The following DNAAF9 variants were observed in gnomAD, a reference collection of about 807,000 sequenced individuals.
DNAAF9 encodes the protein shulin.
Under a neutral mutation model 167.0 loss-of-function variants are expected in DNAAF9, and 90 were observed. That is an observed-to-expected ratio of 0.54 (90% CI 0.45 to 0.64). The LOEUF (loss-of-function observed/expected upper bound fraction) is 0.64. DNAAF9 is among the 30% of genes least tolerant of loss of function. The probability of loss-of-function intolerance (pLI) is 0.00; values close to 1 mark genes in which losing one functional copy is unlikely to be tolerated. For synonymous variants in DNAAF9, 491 were observed against 508.8 expected, an observed-to-expected ratio of 0.96 and a Z score of 0.47; for missense variants, 1,315 against 1,442.2, an observed-to-expected ratio of 0.91 and a Z score of 1.43.
chr20:3,259,644 G>T, intron 32 of DNAAF9, 90 bp from the exon 33 acceptor site: 1 of 899,012 alleles, frequency 1.1e-6, no homozygotes, highest in Non-Finnish European at 1.9e-6. Context: ...GGACTGGGGA[G>T]GGACCATACA....
chr20:3,347,344 C>T (rs1266211286), intron 8 of DNAAF9, among the ~76,000 whole-genome samples: 2 of 151,842 alleles, frequency 1.3e-5, no homozygotes, highest in Non-Finnish European at 2.9e-5. Context: ...TTTCCAGACA[C>T]TCAAAAGCTG....
At chr20:3,286,269 G>T (rs529488775) in intron 27 of DNAAF9, among the ~76,000 whole-genome samples, 11 of 152,170 alleles carry the variant, frequency 7.2e-5, no homozygotes, top group Non-Finnish European at 1.5e-4. Flanking sequence ...ACAAAGGCTG[G>T]GTTTACAGTA....
intron 23 of DNAAF9, chr20:3,296,020 T>G (rs1055330180): frequency 2.0e-5 from 25 of 1,279,294 alleles, no homozygotes; most frequent in Non-Finnish European, 2.6e-5. Flanking sequence ...GAACTTCGGT[T>G]TCAAGCTGAA....
intron 29 of DNAAF9, among the ~76,000 whole-genome samples, chr20:3,274,926 G>A (rs2068653447): frequency 6.6e-6 from 1 of 152,212 alleles, no homozygotes; most frequent in Non-Finnish European, 1.5e-5. Flanking sequence ...CAGATTCCAG[G>A]ACCCCTGGTC....
intron 29 of DNAAF9, among the ~76,000 whole-genome samples, chr20:3,270,807 T>A (rs1164781362): frequency 7.4e-6 from 1 of 134,912 alleles, no homozygotes; most frequent in African/African-American, 2.8e-5. Context: ...CCTAACTTCC[T>A]CTATCTTTTT....
At chr20:3,341,892 C>A (rs1051771508) in intron 9 of DNAAF9, among the ~76,000 whole-genome samples, 1 of 152,144 alleles carries the variant, frequency 6.6e-6, no homozygotes, top group Non-Finnish European at 1.5e-5. Flanking sequence ...ATTCTCCTGC[C>A]TCAGCCTCCC....
intron 1 of DNAAF9, among the ~76,000 whole-genome samples, chr20:3,401,638 T>C (rs1220521872): frequency 2.0e-5 from 3 of 152,184 alleles, no homozygotes; most frequent in Non-Finnish European, 4.4e-5. Context: ...CAGTGTTTCA[T>C]AATAGCTAAC....
chr20:3,387,873 T>C (rs2083768383), intron 1 of DNAAF9, among the ~76,000 whole-genome samples: 1 of 106,250 alleles, frequency 9.4e-6, no homozygotes. Flanking sequence ...AGACCCTGTC[T>C]CTACAAAAAG....
intron 6 of DNAAF9, among the ~76,000 whole-genome samples, chr20:3,369,537 C>T (rs369600233): frequency 5.3e-5 from 8 of 152,022 alleles, no homozygotes; most frequent in South Asian, 4.2e-4. Context: ...CCACCACACC[C>T]GGCTACTTTT....
chr20:3,295,847 C>T (rs2069065278), intron 23 of DNAAF9: 1 of 950,376 alleles, frequency 1.1e-6, no homozygotes. Context: ...AGAGTTTAAT[C>T]CCCAAACGAC....
chr20:3,381,071 G>A (rs775874127), intron 3 of DNAAF9, among the ~76,000 whole-genome samples: 1 of 152,156 alleles, frequency 6.6e-6, no homozygotes, highest in African/African-American at 2.4e-5. Flanking sequence ...AATCTGAACC[G>A]TTAGCATGTA....
Position 3,357,344 on chromosome 20 carries a change from G to A in DNAAF9, c.690+2172C>T, listed in dbSNP as rs147538488. Among the ~76,000 whole-genome samples, 17 of 152,238 alleles carry A rather than the reference G, an allele frequency of 1.1e-4. No homozygotes were observed. In the East Asian group the frequency reaches 2.3e-3, roughly 21 times the overall value. On this transcript the variant is annotated intron_variant, in intron 7 of 36. Coordinates refer to ENST00000252032, the MANE Select transcript of DNAAF9 (RefSeq NM_001009984.3). ...AAATTAGCCAGGCGTGGTGGCACGC[G>A]CCTGTAATCCCAGCTACTTGGGAGG...
chr20:3,381,309 A>C, intron 3 of DNAAF9, 70 bp downstream of exon 3: 2 of 1,271,050 alleles, frequency 1.6e-6, no homozygotes, highest in Non-Finnish European at 2.2e-6. Flanking sequence ...TAAGAAGACC[A>C]TAAAATAAGG....
At chr20:3,366,051 CT>C (rs2083428899) in intron 6 of DNAAF9, among the ~76,000 whole-genome samples, 1 of 152,192 alleles carries the variant, frequency 6.6e-6, no homozygotes, top group African/African-American at 2.4e-5. Flanking sequence ...CTGGAATCCA[CT>C]TCTCGCAAAC....
intron 8 of DNAAF9, among the ~76,000 whole-genome samples, chr20:3,345,470 T>C (rs2070175213): frequency 6.6e-6 from 1 of 152,324 alleles, no homozygotes; most frequent in Admixed American, 6.5e-5. Context: ...GTTAATTTAC[T>C]TGTCCAAGGT....
At chr20:3,264,573 CT>C (rs758855438) in intron 30 of DNAAF9, 49 bp from the exon 31 acceptor site, 27,540 of 700,800 alleles carry the variant, frequency 0.039, no homozygotes, top group East Asian at 0.05. Flanking sequence ...CTGTCAATCT[CT>C]TTTTTTTTTT....
chr20:3,298,906 TC>T (rs2069131776), intron 21 of DNAAF9, among the ~76,000 whole-genome samples: 1 of 138,376 alleles, frequency 7.2e-6, no homozygotes, highest in African/African-American at 2.8e-5. Flanking sequence ...TTGTTTTAGC[TC>T]TTTTTTTTTT....
intron 30 of DNAAF9, among the ~76,000 whole-genome samples, chr20:3,267,336 C>G (rs536754876): frequency 6.6e-6 from 1 of 152,260 alleles, no homozygotes; most frequent in Admixed American, 6.5e-5. Flanking sequence ...TACTTCCTTG[C>G]TTTATTGGCA....
intron 21 of DNAAF9, among the ~76,000 whole-genome samples, chr20:3,303,665 C>T (rs1301188941): frequency 1.3e-5 from 2 of 152,188 alleles, no homozygotes; most frequent in Non-Finnish European, 2.9e-5. Flanking sequence ...TTTTCTGAGC[C>T]ATCTGACCAA....
Sources: allele counts gnomAD v4.1 joint callset (sites outside exome capture counted in the v4.1 genomes callset), GRCh38; gene constraint gnomAD v4.1.1; transcripts MANE v1.5; gene names NCBI Gene and HGNC (gene_info 2026-07-23, HGNC 2026-07-21).